RTL4: variants seen among roughly 807,000 people sequenced by gnomAD.
RTL4 encodes retrotransposon Gag-like protein 4.
RTL4 carries 4 observed loss-of-function variants against 5.3 expected under a neutral mutation model. That is an observed-to-expected ratio of 0.75 (90% confidence interval 0.37 to 1.72). The LOEUF (loss-of-function observed/expected upper bound fraction) is 1.72, where lower values mean the gene tolerates loss of function less well. Among genes scored for constraint, RTL4 ranks in the 40% most tolerant of loss-of-function variants. The pLI is 0.04. For synonymous variants in RTL4, 98 were observed against 87.3 expected, an observed-to-expected ratio of 1.12 and a Z score of -0.68; for missense variants, 260 against 227.1, an observed-to-expected ratio of 1.14 and a Z score of -0.93.
At chrX:112,289,485 A>G in the RTL4 span, among the ~76,000 whole-genome samples, 1 of 112,406 alleles carries the variant, frequency 8.9e-6, no homozygotes, top group African/African-American at 3.2e-5. Context: ...CAAAATATTG[A>G]CTTGGAACCA....
At chrX:112,089,169 G>C in the RTL4 span, among the ~76,000 whole-genome samples, 2 of 110,136 alleles carry the variant, frequency 1.8e-5, no homozygotes, top group South Asian at 7.7e-4. Flanking sequence ...GTGCAGGTTA[G>C]TTACATATGT....
At chrX:112,447,961 G>A in the RTL4 span, among the ~76,000 whole-genome samples, 121 of 111,442 alleles carry the variant, frequency 1.1e-3, 1 homozygote, top group Non-Finnish European at 2.1e-4. Flanking sequence ...AAAACATGAT[G>A]TATCCTAAGT....
At chrX:112,359,840 G>T in the RTL4 span, among the ~76,000 whole-genome samples, 1 of 111,063 alleles carries the variant, frequency 9.0e-6, no homozygotes, top group Non-Finnish European at 1.9e-5. Flanking sequence ...GTTTTCTGAT[G>T]TAGGCAATAT....
the RTL4 span, among the ~76,000 whole-genome samples, chrX:112,313,323 A>G: frequency 9.0e-6 from 1 of 111,253 alleles, no homozygotes; most frequent in Non-Finnish European, 1.9e-5. Flanking sequence ...CCCAGGGTCC[A>G]CAGTTGTGGT....
the RTL4 span, among the ~76,000 whole-genome samples, chrX:112,158,811 C>T: frequency 9.0e-6 from 1 of 111,380 alleles, no homozygotes; most frequent in East Asian, 2.8e-4. Context: ...CATTCTCTGA[C>T]AATTTTCTGA....
chrX:112,392,255 G>T, the RTL4 span, among the ~76,000 whole-genome samples: 4 of 111,541 alleles, frequency 3.6e-5, no homozygotes, highest in African/African-American at 1.3e-4. Context: ...GTGGCTGGAG[G>T]CCCAGGCCTG....
the RTL4 span, among the ~76,000 whole-genome samples, chrX:112,181,043 G>C: frequency 9.0e-6 from 1 of 111,653 alleles, no homozygotes; most frequent in African/African-American, 3.3e-5. Context: ...GCAGAAGCAG[G>C]GTGGGGCGTT....
chrX:112,168,927 TTCTTTCTTTCTTTTTCTTTC>T, the RTL4 span, among the ~76,000 whole-genome samples: 3 of 75,566 alleles, frequency 4.0e-5, no homozygotes, highest in Non-Finnish European at 7.5e-5. Context: ...AATTCTTTCT[TTCTTTCTTTCTTTTTCTTTC>T]TTTCTTTCTT....
At chrX:112,194,379 A>T in the RTL4 span, among the ~76,000 whole-genome samples, 1 of 110,665 alleles carries the variant, frequency 9.0e-6, no homozygotes, top group Non-Finnish European at 1.9e-5. Flanking sequence ...ATGCCCTTTT[A>T]TGAAGAGACG....
the RTL4 span, among the ~76,000 whole-genome samples, chrX:112,318,571 A>C: frequency 8.9e-6 from 1 of 112,090 alleles, no homozygotes; most frequent in African/African-American, 3.2e-5. Flanking sequence ...TTATTGTATA[A>C]TGTTATTAGC....
At chrX:112,419,593 ATTTT>A in the RTL4 span, among the ~76,000 whole-genome samples, 18 of 49,563 alleles carry the variant, frequency 3.6e-4, no homozygotes, top group South Asian at 1.5e-3. Flanking sequence ...ATATATATAT[ATTTT>A]TACATATGTA....
At chrX:112,403,224 C>G in the RTL4 span, among the ~76,000 whole-genome samples, 1 of 111,530 alleles carries the variant, frequency 9.0e-6, no homozygotes, top group Non-Finnish European at 1.9e-5. Context: ...TTTACTTGCC[C>G]CACCAAATTG....
chrX:112,248,238 A>T, the RTL4 span, among the ~76,000 whole-genome samples: 2 of 112,286 alleles, frequency 1.8e-5, no homozygotes, highest in African/African-American at 6.5e-5. Flanking sequence ...TAGTCTCTTT[A>T]AAAAAATCTA....
At chrX:112,145,144 G>A in the RTL4 span, among the ~76,000 whole-genome samples, 11 of 111,582 alleles carry the variant, frequency 9.9e-5, no homozygotes, top group African/African-American at 3.6e-4. Context: ...TACTTAACTG[G>A]AGTGTGTCAA....
chrX:112,428,142 T>A, the RTL4 span, among the ~76,000 whole-genome samples: 1 of 111,792 alleles, frequency 8.9e-6, no homozygotes, highest in African/African-American at 3.2e-5. Context: ...ATGGTGTATA[T>A]ATACCACATT....
chrX:112,359,635 T>G, the RTL4 span, among the ~76,000 whole-genome samples: 1 of 111,264 alleles, frequency 9.0e-6, no homozygotes, highest in Non-Finnish European at 1.9e-5. Context: ...TCCTTATACT[T>G]TCATTCCCCT....
At chrX:112,191,948 C>T in the RTL4 span, among the ~76,000 whole-genome samples, 3 of 111,005 alleles carry the variant, frequency 2.7e-5, no homozygotes, top group Non-Finnish European at 3.8e-5. Flanking sequence ...TTTTTTGTGT[C>T]CAAGTCTTAT....
the RTL4 span, among the ~76,000 whole-genome samples, chrX:112,250,844 A>G: frequency 0.26 from 29,197 of 111,456 alleles, 3,860 homozygotes; most frequent in African/African-American, 0.53. Flanking sequence ...TACATTAGGC[A>G]ACAATTCTGT....
chrX:112,353,903 C>A, the RTL4 span, among the ~76,000 whole-genome samples: 1 of 111,056 alleles, frequency 9.0e-6, no homozygotes, highest in Non-Finnish European at 1.9e-5. Flanking sequence ...AAAGGGAAGA[C>A]AAATGATTTT....
Sources: gnomAD v4.1 joint callset for allele counts (sites outside exome capture counted in the v4.1 genomes callset) on GRCh38, gnomAD v4.1.1 for gene constraint, MANE v1.5 for transcripts, NCBI Gene and HGNC (gene_info 2026-07-23, HGNC 2026-07-21) for gene names.